SORCS1: variants seen among roughly 807,000 people sequenced by gnomAD.
SORCS1 encodes the protein VPS10 domain-containing receptor SorCS1.
In SORCS1, 60 loss-of-function variants were observed where a neutral mutation model predicts 146.1. The ratio of observed to expected loss-of-function variants is 0.41; its 90% CI spans 0.33 to 0.51. SORCS1 has a LOEUF of 0.51. Among genes scored for constraint, SORCS1 ranks in the 20% least tolerant of loss-of-function variants. The pLI is 0.21. For synonymous variants in SORCS1, 637 were observed against 584.0 expected, an observed-to-expected ratio of 1.09 and a Z score of -1.31; for missense variants, 1,352 against 1,487.6, an observed-to-expected ratio of 0.91 and a Z score of 1.50.
intron 4 of SORCS1, among the ~76,000 whole-genome samples, chr10:106,769,008 G>A (rs982072274): frequency 4.6e-5 from 7 of 152,158 alleles, no homozygotes; most frequent in Admixed American, 2.6e-4. Context: ...ACAGAGCAGA[G>A]AGCTGATCCT....
At chr10:106,861,609 T>A (rs1200581590) in intron 2 of SORCS1, among the ~76,000 whole-genome samples, 2 of 151,952 alleles carry the variant, frequency 1.3e-5, no homozygotes, top group Non-Finnish European at 2.9e-5. Context: ...TACCCTCAAT[T>A]GGCCGGGCGC....
At chr10:106,606,110 A>G (rs1027388858) in intron 23 of SORCS1, among the ~76,000 whole-genome samples, 8 of 152,226 alleles carry the variant, frequency 5.3e-5, no homozygotes, top group African/African-American at 1.9e-4. Flanking sequence ...CAACTAGGCC[A>G]AGGCTGATCA....
At chr10:106,756,975 G>T (rs1363836397) in intron 5 of SORCS1, among the ~76,000 whole-genome samples, 1 of 152,132 alleles carries the variant, frequency 6.6e-6, no homozygotes, top group African/African-American at 2.4e-5. Context: ...ATTTGAGACT[G>T]AGCCCCCGTC....
At chr10:106,590,070 T>C (rs1307691600) in intron 24 of SORCS1, among the ~76,000 whole-genome samples, 1 of 152,186 alleles carries the variant, frequency 6.6e-6, no homozygotes, top group Non-Finnish European at 1.5e-5. Flanking sequence ...ATACTAATTA[T>C]GAATATTTGA....
At chr10:106,763,008 C>T (rs139966632) in intron 4 of SORCS1, among the ~76,000 whole-genome samples, 4 of 151,862 alleles carry the variant, frequency 2.6e-5, no homozygotes, top group African/African-American at 9.7e-5. Flanking sequence ...TTTTTAAGCC[C>T]GGAGCTCTAC....
intron 2 of SORCS1, among the ~76,000 whole-genome samples, chr10:106,921,206 C>A (rs117058324): frequency 6.6e-6 from 1 of 152,166 alleles, no homozygotes; most frequent in Non-Finnish European, 1.5e-5. Context: ...GAAGCCCATA[C>A]ATTCATGGGG....
intron 1 of SORCS1, among the ~76,000 whole-genome samples, chr10:107,030,481 C>A (rs1241429791): frequency 6.6e-6 from 1 of 152,170 alleles, no homozygotes; most frequent in African/African-American, 2.4e-5. Flanking sequence ...TCTCCACACC[C>A]ATAGCTCTGC....
intron 1 of SORCS1, among the ~76,000 whole-genome samples, chr10:106,994,371 A>T: frequency 6.6e-6 from 1 of 152,236 alleles, no homozygotes; most frequent in Non-Finnish European, 1.5e-5. Context: ...TTTGTCTACC[A>T]GTATATGTTA....
intron 3 of SORCS1, among the ~76,000 whole-genome samples, chr10:106,805,589 A>G (rs184257029): frequency 2.6e-5 from 4 of 152,302 alleles, no homozygotes; most frequent in Admixed American, 2.6e-4. Context: ...CAGGAAGATG[A>G]GACAAGTTGC....
chr10:106,661,780 A>G (rs569744520), intron 17 of SORCS1, among the ~76,000 whole-genome samples: 8 of 152,362 alleles, frequency 5.3e-5, no homozygotes, highest in African/African-American at 1.9e-4. Flanking sequence ...TTTCATTCCA[A>G]TTACTCACTT....
rs192260912 is a variant in SORCS1 at position 107,023,280 on chromosome 10, A to C, written c.559-66700T>G. Among the ~76,000 whole-genome samples, 247 of 152,322 alleles carry C rather than the reference A, an allele frequency of 1.6e-3. 1 individual carries two copies. Among genetic ancestry groups the C allele is most frequent in the Middle Eastern group, 3.4e-3 (1 of 294 alleles). The stretch of plus-strand genomic sequence containing the variant: ...TCACTGCCACACAAGGATTTCCAGG[A>C]AACACTGACATTCCTGCATCAAACC... On this transcript the variant is annotated intron_variant, in intron 1 of 25. Coordinates refer to ENST00000263054, the MANE Select transcript of SORCS1 (RefSeq NM_052918.5).
chr10:106,878,863 T>C (rs1336174728), intron 2 of SORCS1, among the ~76,000 whole-genome samples: 2 of 151,488 alleles, frequency 1.3e-5, no homozygotes, highest in African/African-American at 4.9e-5. Context: ...TTTTAAAAAA[T>C]TTCCCTGGGC....
intron 5 of SORCS1, among the ~76,000 whole-genome samples, chr10:106,751,615 G>C (rs1056485925): frequency 6.6e-6 from 1 of 152,164 alleles, no homozygotes; most frequent in African/African-American, 2.4e-5. Context: ...ATGGAAAAGT[G>C]TGCCTTTCAT....
Position 106,597,648 on chromosome 10 carries a change from C to A in SORCS1, c.3166-198G>T, listed in dbSNP as rs189361713. ...TTTAAGCATGACCTGTCTTTACGTGCTAATTGCAACAAAATAGAAGAAACT... is the reference window on the plus strand; with the variant it reads ...TTTAAGCATGACCTGTCTTTACGTGATAATTGCAACAAAATAGAAGAAACT... On this transcript the variant is annotated intron_variant, in intron 23 of 25. Coordinates refer to ENST00000263054, the MANE Select transcript of SORCS1 (RefSeq NM_052918.5). Among the ~76,000 whole-genome samples, 11 of 152,194 alleles carry A rather than the reference C, an allele frequency of 7.2e-5. No homozygotes were observed. In the East Asian group the frequency reaches 1.5e-3, roughly 21 times the overall value.
intron 2 of SORCS1, among the ~76,000 whole-genome samples, chr10:106,940,668 G>GGCCTCCCAAAGGAGTTCC (rs1953993600): frequency 6.6e-6 from 1 of 152,198 alleles, no homozygotes; most frequent in Non-Finnish European, 1.5e-5. Context: ...TGGATCACCT[G>GGCCTCCCAAAGGAGTTCC]AGGTAAGGAG....
intron 1 of SORCS1, among the ~76,000 whole-genome samples, chr10:107,113,128 T>C (rs1258171976): frequency 6.6e-6 from 1 of 152,152 alleles, no homozygotes; most frequent in Non-Finnish European, 1.5e-5. Context: ...CTTAACAAAT[T>C]TGAGAAGACT....
intron 1 of SORCS1, among the ~76,000 whole-genome samples, chr10:107,117,093 C>T (rs965550979): frequency 6.6e-6 from 1 of 152,134 alleles, no homozygotes; most frequent in Admixed American, 6.5e-5. Context: ...GGAAGGAGAA[C>T]TTGAAGATTT....
chr10:106,610,664 T>C (rs1384940844), intron 22 of SORCS1, among the ~76,000 whole-genome samples: 1 of 152,178 alleles, frequency 6.6e-6, no homozygotes, highest in African/African-American at 2.4e-5. Context: ...CCTAAACTGA[T>C]TTTCATTCTG....
Position 107,054,419 on chromosome 10 carries a change from G to GA in SORCS1, c.559-97840dup, listed in dbSNP as rs1473064718. Among the ~76,000 whole-genome samples, 6 of 152,208 alleles carry GA rather than the reference G, an allele frequency of 3.9e-5. No individual in the cohort carries two copies. The East Asian group carries it at 7.7e-4, about 20-fold the overall frequency. On this transcript the variant is annotated intron_variant, in intron 1 of 25. Transcript: ENST00000263054. ...GCTTCAGCTGAGATCTAAAGAATGG[G>GA]AAAAAATGGACCAGGTAAAGACAGA...
Sources: gnomAD v4.1 joint callset for allele counts (sites outside exome capture counted in the v4.1 genomes callset) on GRCh38, gnomAD v4.1.1 for gene constraint, MANE v1.5 for transcripts, NCBI Gene and HGNC (gene_info 2026-07-23, HGNC 2026-07-21) for gene names.